Variants in DPP6 observed in about 807,000 individuals in gnomAD.
The protein encoded by DPP6 is A-type potassium channel modulatory protein DPP6.
A neutral mutation model predicts 122.6 loss-of-function variants in DPP6; 69 were observed. The ratio of observed to expected loss-of-function variants is 0.56; its 90% CI spans 0.46 to 0.69. DPP6 has a LOEUF of 0.69. DPP6 is among the 30% of genes least tolerant of loss of function. DPP6 has a pLI of 0.00. For synonymous variants in DPP6, 418 were observed against 433.1 expected (o/e 0.97, Z 0.43); for missense variants, 928 against 1,116.9 (o/e 0.83, Z 2.41).
In DPP6 at chr7:153,941,202, G is replaced by A. The variant is rs538105988; in HGVS notation, c.51+53468G>A. Among the ~76,000 whole-genome samples the A allele has an allele frequency of 3.2e-4, 49 of 152,310 alleles. No individual in the cohort carries two copies. The South Asian group carries it at 9.7e-3, about 30-fold the overall frequency. ...ACAGCAGTGGCTAGCACAAAAATGA[G>A]CCCTTGATGTGTTGGAATGTGTTGT... On this transcript the variant is annotated intron_variant, in intron 1 of 25. Transcript: ENST00000404039.
chr7:154,308,993 C>T (rs1431764355), intron 1 of DPP6, among the ~76,000 whole-genome samples: 1 of 152,230 alleles, frequency 6.6e-6, no homozygotes, highest in Non-Finnish European at 1.5e-5. Context: ...TGAACAGTCA[C>T]ACACAGGCAC....
At chr7:154,295,187 G>C (rs1422902540) in intron 1 of DPP6, among the ~76,000 whole-genome samples, 1 of 152,184 alleles carries the variant, frequency 6.6e-6, no homozygotes, top group African/African-American at 2.4e-5. Flanking sequence ...ACTGTCGCAG[G>C]GTTAGTATTG....
intron 1 of DPP6, among the ~76,000 whole-genome samples, chr7:154,173,346 T>C (rs1244202400): frequency 2.0e-5 from 3 of 152,220 alleles, no homozygotes; most frequent in Non-Finnish European, 4.4e-5. Flanking sequence ...TTAGTGAATT[T>C]TGAAGAAGTG....
At chr7:153,763,377 GAA>G in the DPP6 span, among the ~76,000 whole-genome samples, 11 of 128,662 alleles carry the variant, frequency 8.5e-5, no homozygotes, top group East Asian at 2.3e-4. Flanking sequence ...GTACAAGTAA[GAA>G]AAAAAAAAAA....
chr7:154,182,889 T>C (rs1798164761), intron 1 of DPP6, among the ~76,000 whole-genome samples: 1 of 152,094 alleles, frequency 6.6e-6, no homozygotes, highest in Admixed American at 6.6e-5. Flanking sequence ...CTCCCAGAAA[T>C]AGGTTCTTGG....
intron 1 of DPP6, among the ~76,000 whole-genome samples, chr7:154,359,004 C>T (rs943409367): frequency 6.6e-6 from 1 of 152,222 alleles, no homozygotes; most frequent in Non-Finnish European, 1.5e-5. Context: ...CTGCGCCTGG[C>T]CAAGAAACAA....
the DPP6 span, among the ~76,000 whole-genome samples, chr7:153,793,565 T>G: frequency 6.6e-6 from 1 of 151,384 alleles, no homozygotes; most frequent in Non-Finnish European, 1.5e-5. Context: ...CCCGACAATG[T>G]GATAGAAAAG....
chr7:154,730,766 G>T (rs1842300620), intron 8 of DPP6, among the ~76,000 whole-genome samples: 2 of 152,182 alleles, frequency 1.3e-5, no homozygotes, highest in South Asian at 4.1e-4. Context: ...AATTTTGGCT[G>T]CAAGAGCCTA....
intron 3 of DPP6, among the ~76,000 whole-genome samples, chr7:154,540,179 A>G (rs1423904156): frequency 5.9e-5 from 9 of 152,218 alleles, no homozygotes; most frequent in African/African-American, 1.4e-4. Context: ...ATTTACTCCA[A>G]AGTTGGATAT....
intron 1 of DPP6, among the ~76,000 whole-genome samples, chr7:153,919,380 A>G (rs1454541356): frequency 3.3e-5 from 5 of 152,176 alleles, no homozygotes; most frequent in Admixed American, 3.3e-4. Flanking sequence ...GAGGGCCTGA[A>G]GGAAAGCTGG....
intron 1 of DPP6, among the ~76,000 whole-genome samples, chr7:154,290,147 A>G (rs1351721329): frequency 1.3e-5 from 2 of 152,190 alleles, no homozygotes; most frequent in South Asian, 2.1e-4. Context: ...TGTTGCCAGT[A>G]CCTTGTTTTG....
intron 1 of DPP6, among the ~76,000 whole-genome samples, chr7:153,980,237 TATTCAGGG>T (rs1464642098): frequency 6.6e-6 from 1 of 152,208 alleles, no homozygotes; most frequent in Non-Finnish European, 1.5e-5. Flanking sequence ...GTTATTAGTC[TATTCAGGG>T]ATTTGACTTC....
At chr7:154,303,719 C>A (rs6953635) in intron 1 of DPP6, among the ~76,000 whole-genome samples, 7,389 of 152,202 alleles carry the variant, frequency 0.049, 222 homozygotes, top group African/African-American at 0.078. Flanking sequence ...CATTTCTTTA[C>A]CCCTGGCCGA....
intron 1 of DPP6, among the ~76,000 whole-genome samples, chr7:154,265,590 G>T (rs1042367848): frequency 6.6e-6 from 1 of 152,122 alleles, no homozygotes; most frequent in African/African-American, 2.4e-5. Flanking sequence ...CAATGCTGCT[G>T]CACCATTGAT....
intron 7 of DPP6, among the ~76,000 whole-genome samples, chr7:154,709,227 C>G (rs1268704358): frequency 6.6e-6 from 1 of 152,182 alleles, no homozygotes; most frequent in Non-Finnish European, 1.5e-5. Context: ...GAGACAGGAT[C>G]TCACTCTGTG....
intron 3 of DPP6, among the ~76,000 whole-genome samples, chr7:154,533,631 GA>G (rs1317627694): frequency 1.3e-5 from 2 of 151,608 alleles, no homozygotes; most frequent in Non-Finnish European, 2.9e-5. Flanking sequence ...GAAATCACAA[GA>G]AAAAAAAGAA....
At chr7:154,401,211 C>CA (rs200012155) in intron 1 of DPP6, among the ~76,000 whole-genome samples, 3 of 124,024 alleles carry the variant, frequency 2.4e-5, no homozygotes, top group African/African-American at 9.6e-5. Flanking sequence ...AAAACAAAAA[C>CA]AAAAACAAAA....
At chr7:153,826,837 C>CAA in the DPP6 span, among the ~76,000 whole-genome samples, 29 of 129,972 alleles carry the variant, frequency 2.2e-4, no homozygotes, top group African/African-American at 7.4e-4. Flanking sequence ...TTATATTCAG[C>CAA]AAATATATAT....
chr7:154,794,987 T>C (rs1167279095), intron 11 of DPP6, among the ~76,000 whole-genome samples: 7 of 152,190 alleles, frequency 4.6e-5, no homozygotes, highest in Non-Finnish European at 8.8e-5. Context: ...ACACGACAGC[T>C]GTGCCTGAGA....
Sources: allele counts gnomAD v4.1 joint callset (sites outside exome capture counted in the v4.1 genomes callset), GRCh38; gene constraint gnomAD v4.1.1; transcripts MANE v1.5; gene names NCBI Gene and HGNC (gene_info 2026-07-23, HGNC 2026-07-21).